Variants in ANAPC10 observed in about 807,000 individuals in gnomAD.
ANAPC10 encodes anaphase-promoting complex subunit 10.
A neutral mutation model predicts 22.0 loss-of-function variants in ANAPC10; 12 were observed. The observed-to-expected ratio is 0.55, with a 90% CI of 0.35 to 0.88. The LOEUF (loss-of-function observed/expected upper bound fraction) is 0.88. Ranked by LOEUF, ANAPC10 falls within the 40% of genes least tolerant of loss-of-function variation. The pLI is 0.01. For missense variants in ANAPC10, 188 were observed against 220.9 expected, an observed-to-expected ratio of 0.85 and a Z score of 0.94; for synonymous variants, 65 against 69.5, an observed-to-expected ratio of 0.94 and a Z score of 0.32.
rs894004437 is a variant in ANAPC10 at position 144,997,858 on chromosome 4, C to T, written c.328-2255G>A. Among the ~76,000 whole-genome samples, 4 of 152,154 alleles carry T rather than the reference C, an allele frequency of 2.6e-5. No individual in the cohort carries two copies. In the East Asian group the frequency reaches 7.7e-4, roughly 29 times the overall value. ...CCCATCTCACGTGCAGAGACACACA[C>T]AGCCTCAAAATAAAGGGATGGAGGA... On this transcript the variant is annotated intron_variant, in intron 4 of 4. Coordinates refer to ENST00000507656, the MANE Select transcript of ANAPC10 (RefSeq NM_001256706.2).
chr4:145,029,593 C>T (rs917070944), intron 4 of ANAPC10, among the ~76,000 whole-genome samples: 1 of 151,926 alleles, frequency 6.6e-6, no homozygotes, highest in Non-Finnish European at 1.5e-5. Flanking sequence ...TGATTTGGGC[C>T]CAGTAAGTAG....
intron 2 of ANAPC10, among the ~76,000 whole-genome samples, chr4:145,092,974 G>C (rs1028545347): frequency 6.6e-6 from 1 of 152,170 alleles, no homozygotes; most frequent in Non-Finnish European, 1.5e-5. Context: ...ATACAAGGCT[G>C]TCATGAACAG....
intron 3 of ANAPC10, among the ~76,000 whole-genome samples, chr4:145,077,833 TA>T (rs1366929983): frequency 6.6e-6 from 1 of 152,136 alleles, no homozygotes; most frequent in Non-Finnish European, 1.5e-5. Flanking sequence ...ATCATCATGT[TA>T]AAAATCCTCA....
intron 4 of ANAPC10, among the ~76,000 whole-genome samples, chr4:145,021,745 G>C (rs959879678): frequency 6.6e-6 from 1 of 152,014 alleles, no homozygotes; most frequent in Non-Finnish European, 1.5e-5. Flanking sequence ...AGCCCAGAGT[G>C]GGAGAAAATC....
chr4:145,050,160 A>G (rs1740889682), intron 4 of ANAPC10, among the ~76,000 whole-genome samples: 1 of 152,216 alleles, frequency 6.6e-6, no homozygotes, highest in Non-Finnish European at 1.5e-5. Context: ...TGGAAGTCAA[A>G]ATTATTCCTT....
chr4:145,054,512 G>A lies in ANAPC10; in HGVS notation c.327+10060C>T, dbSNP rs533061434. On this transcript the variant is annotated intron_variant, in intron 4 of 4. Transcript: ENST00000507656. ...GGCAGAGCTTGCAGTGAGCGAGATCGCGCCACTGCACTCCAGCCTGGGCAA... is the reference window on the plus strand; with the variant it reads ...GGCAGAGCTTGCAGTGAGCGAGATCACGCCACTGCACTCCAGCCTGGGCAA... Among the ~76,000 whole-genome samples the A allele has an allele frequency of 7.3e-5, 11 of 149,712 alleles. No homozygotes were observed. The East Asian group carries it at 8.0e-4, about 11-fold the overall frequency.
chr4:145,097,670 G>A (rs760717543), intron 1 of ANAPC10: 13 of 501,738 alleles, frequency 2.6e-5, no homozygotes, highest in Non-Finnish European at 4.2e-5. Context: ...GTTCAGTTAT[G>A]AACTAGTTGT....
At chr4:145,096,155 C>A (rs753022196) in intron 1 of ANAPC10, 44 bp from the exon 2 acceptor site, 1 of 1,577,598 alleles carries the variant, frequency 6.3e-7, no homozygotes, top group Non-Finnish European at 8.6e-7. Flanking sequence ...AGGAACTGGG[C>A]ATCTTTCTAC....
chr4:145,072,860 A>G (rs1744676750), intron 3 of ANAPC10, among the ~76,000 whole-genome samples: 1 of 152,036 alleles, frequency 6.6e-6, no homozygotes, highest in African/African-American at 2.4e-5. Context: ...CACAAGTATT[A>G]ATACACTGTG....
chr4:145,057,816 C>T (rs549716089), intron 4 of ANAPC10, among the ~76,000 whole-genome samples: 53 of 152,244 alleles, frequency 3.5e-4, no homozygotes, highest in African/African-American at 1.3e-3. Context: ...ATTCCAGATG[C>T]CCCTTTCTGC....
chr4:145,009,822 G>A (rs545446330), intron 4 of ANAPC10, among the ~76,000 whole-genome samples: 2 of 152,260 alleles, frequency 1.3e-5, no homozygotes, highest in African/African-American at 2.4e-5. Flanking sequence ...ATTGACAAAT[G>A]GGATCTAACT....
At chr4:145,055,234 C>A (rs940618402) in intron 4 of ANAPC10, among the ~76,000 whole-genome samples, 4 of 152,062 alleles carry the variant, frequency 2.6e-5, no homozygotes, top group Non-Finnish European at 5.9e-5. Flanking sequence ...AAATACATAC[C>A]TTTTGCACCT....
intron 4 of ANAPC10, among the ~76,000 whole-genome samples, chr4:145,014,720 T>A (rs1734843259): frequency 6.6e-6 from 1 of 152,146 alleles, no homozygotes; most frequent in South Asian, 2.1e-4. Flanking sequence ...TAGGTGCTGG[T>A]ATCCATGGCT....
chr4:145,038,760 T>C (rs1440779234), intron 4 of ANAPC10, among the ~76,000 whole-genome samples: 1 of 148,012 alleles, frequency 6.8e-6, no homozygotes, highest in African/African-American at 2.5e-5. Flanking sequence ...AGGCCAAGGT[T>C]GCAGTGAGCC....
chr4:145,084,880 T>C (rs550365300), intron 2 of ANAPC10, among the ~76,000 whole-genome samples: 1 of 152,316 alleles, frequency 6.6e-6, no homozygotes, highest in South Asian at 2.1e-4. Context: ...AAAAATATTA[T>C]TACAATTAAT....
intron 4 of ANAPC10, among the ~76,000 whole-genome samples, chr4:145,000,894 G>A (rs1370880760): frequency 6.6e-6 from 1 of 152,084 alleles, no homozygotes; most frequent in East Asian, 1.9e-4. Context: ...GTCCTTTGCA[G>A]GGACATGCAT....
At chr4:145,079,857 T>C (rs925907902) in intron 3 of ANAPC10, among the ~76,000 whole-genome samples, 1 of 152,118 alleles carries the variant, frequency 6.6e-6, no homozygotes, top group Non-Finnish European at 1.5e-5. Flanking sequence ...CTCACACGTA[T>C]AATCCCAGCA....
At chr4:145,071,877 G>A (rs1424300255) in intron 3 of ANAPC10, among the ~76,000 whole-genome samples, 1 of 152,094 alleles carries the variant, frequency 6.6e-6, no homozygotes, top group Non-Finnish European at 1.5e-5. Context: ...ATACAGCCAA[G>A]TACAGAGAAC....
At chr4:145,058,068 C>T (rs539486952) in intron 4 of ANAPC10, among the ~76,000 whole-genome samples, 24 of 152,290 alleles carry the variant, frequency 1.6e-4, no homozygotes, top group African/African-American at 4.8e-4. Context: ...TCTGACTATA[C>T]ATTTTCACTG....
Sources: gnomAD v4.1 joint callset for allele counts (sites outside exome capture counted in the v4.1 genomes callset) on GRCh38, gnomAD v4.1.1 for gene constraint, MANE v1.5 for transcripts, NCBI Gene and HGNC (gene_info 2026-07-23, HGNC 2026-07-21) for gene names.